Variants in IGF2BP2 observed in about 807,000 individuals in gnomAD.
IGF2BP2 encodes the protein insulin-like growth factor 2 mRNA-binding protein 2.
Under a neutral mutation model 75.8 loss-of-function variants are expected in IGF2BP2, and 17 were observed. The observed-to-expected ratio is 0.22, with a 90% CI of 0.15 to 0.34. The LOEUF (loss-of-function observed/expected upper bound fraction) is 0.34, where lower values mean the gene tolerates loss of function less well. Ranked by LOEUF, IGF2BP2 falls within the 10% of genes least tolerant of loss-of-function variation. IGF2BP2 has a pLI of 1.00. For synonymous variants in IGF2BP2, 288 were observed against 295.6 expected, an observed-to-expected ratio of 0.97 and a Z score of 0.26; for missense variants, 516 against 772.4, an observed-to-expected ratio of 0.67 and a Z score of 3.93.
intron 2 of IGF2BP2, among the ~76,000 whole-genome samples, chr3:185,734,382 C>T (rs965114720): frequency 9.9e-5 from 15 of 152,228 alleles, no homozygotes; most frequent in African/African-American, 3.1e-4. Context: ...TGCAAACTCA[C>T]GTTGTCTAGT....
intron 2 of IGF2BP2, among the ~76,000 whole-genome samples, chr3:185,804,387 G>A (rs1313704886): frequency 3.3e-5 from 5 of 151,572 alleles, no homozygotes; most frequent in Non-Finnish European, 7.4e-5. Context: ...AGCTGAGATC[G>A]CGCCACTGCA....
intron 2 of IGF2BP2, among the ~76,000 whole-genome samples, chr3:185,741,086 G>C (rs1461088791): frequency 6.6e-6 from 1 of 152,110 alleles, no homozygotes; most frequent in African/African-American, 2.4e-5. Context: ...GTGTTAGCCA[G>C]GATGTCTCGA....
chr3:185,823,304 C>G lies in IGF2BP2; in HGVS notation c.179-91G>C, dbSNP rs1025341491. 15 of 1,013,296 alleles carry G rather than the reference C, an allele frequency of 1.5e-5. No individual in the cohort carries two copies. The African/African-American group carries it at 2.0e-4, about 14-fold the overall frequency. 62.8% of individuals were successfully genotyped at this position (1,013,296 alleles called of 1,614,324 possible). On this transcript the variant is annotated intron_variant, in intron 1 of 15. Coordinates refer to ENST00000382199, the MANE Select transcript of IGF2BP2 (RefSeq NM_006548.6). ...GCACGCACGGAACTCCACGCTCGGGCTCCGCCTTCGGGCGCCCCCAAGGGG... is the reference window on the plus strand; with the variant it reads ...GCACGCACGGAACTCCACGCTCGGGGTCCGCCTTCGGGCGCCCCCAAGGGG...
intron 2 of IGF2BP2, among the ~76,000 whole-genome samples, chr3:185,778,064 G>A (rs1336440069): frequency 6.6e-6 from 1 of 151,542 alleles, no homozygotes; most frequent in Non-Finnish European, 1.5e-5. Flanking sequence ...GCATTGTTGT[G>A]CTGTATCACT....
rs1181678326 is a variant in IGF2BP2, at chr3:185,652,117, C to T, written c.1438G>A (p.Gly480Arg). 1 of 1,612,794 alleles carries T rather than the reference C, an allele frequency of 6.2e-7. No homozygotes were observed. The highest frequency in any genetic ancestry group is 1.7e-5 in the Admixed American group (1 of 59,938). ...DVSERMVIITGPPEAQFKAQG... is the reference protein window; with the variant it reads ...DVSERMVIITRPPEAQFKAQG... ...ACCTTGAACTGGGCTTCCGGTGGCC[C>T]GGTGATGATGACCATCCTTTCGCTG... The change falls in exon 13 of 16, where the codon GGG becomes AGG. Residue 480 changes from glycine (G) to arginine (R), a missense_variant. Around this residue, in one of 3 missense-constraint regions of IGF2BP2, gnomAD observed 129 missense variants for 230.5 expected, o/e 0.56. Transcript: ENST00000382199.
chr3:185,645,461 T>A lies in IGF2BP2; in HGVS notation c.*70A>T. ...TTTGCTCCCGATCTGGCTGGCTGCG[T>A]TTGGTCTCATTCTGTCAGGTGTTGG... On this transcript the variant is annotated 3_prime_UTR_variant, in exon 16 of 16. Transcript: ENST00000382199. The surrounding 1 kb of genome is among the most constrained non-coding windows in gnomAD (Gnocchi z 4.9). 1 of 1,096,410 alleles carries A rather than the reference T, an allele frequency of 9.1e-7. No individual in the cohort carries two copies. Among genetic ancestry groups the A allele is most frequent in the Non-Finnish European group, 1.4e-6 (1 of 712,182 alleles). 67.9% of individuals were successfully genotyped at this position (1,096,410 alleles called of 1,614,324 possible).
At chr3:185,765,300 A>G (rs1005656750) in intron 2 of IGF2BP2, among the ~76,000 whole-genome samples, 36 of 152,232 alleles carry the variant, frequency 2.4e-4, no homozygotes, top group African/African-American at 8.4e-4. Flanking sequence ...GCAAAATTAA[A>G]TATAGTTTCT....
At chr3:185,712,586 A>G (rs1724964956) in intron 2 of IGF2BP2, 1 of 152,178 alleles carries the variant, frequency 6.6e-6, no homozygotes, top group Admixed American at 6.5e-5. Context: ...TGCCTCAGCC[A>G]TGAGACAGAG....
chr3:185,707,298 T>C (rs1051989843), intron 2 of IGF2BP2, among the ~76,000 whole-genome samples: 8 of 109,410 alleles, frequency 7.3e-5, no homozygotes, highest in Non-Finnish European at 1.5e-4. Flanking sequence ...GAAGGGGCTT[T>C]TTTTTTTTTT....
intron 2 of IGF2BP2, among the ~76,000 whole-genome samples, chr3:185,795,868 A>C (rs1737305161): frequency 6.6e-6 from 1 of 152,176 alleles, no homozygotes; most frequent in East Asian, 1.9e-4. Flanking sequence ...GCTGGGCAAC[A>C]GAGAGAGACT....
intron 7 of IGF2BP2, among the ~76,000 whole-genome samples, chr3:185,677,914 A>T (rs1363593291): frequency 1.3e-5 from 2 of 152,182 alleles, no homozygotes; most frequent in African/African-American, 2.4e-5. Context: ...TTCAAGTTAG[A>T]GGATTAAAAT....
At position 185,647,468 on chromosome 3, in the gene IGF2BP2, C is replaced by G. The variant is rs889669138; in HGVS notation, c.1594-330G>C. 6.6e-6 allele frequency among the ~76,000 whole-genome samples: 1 copy of G among 152,004 alleles called. No individual in the cohort carries two copies. Among genetic ancestry groups the G allele is most frequent in the Non-Finnish European group, 1.5e-5 (1 of 67,998 alleles). On this transcript the variant is annotated intron_variant, in intron 14 of 15. Transcript: ENST00000382199. This position sits in a 1 kb window ranked among gnomAD's most constrained non-coding sequence, Gnocchi z 4.9. ...ACAGAGACCCCAGGCTTTCCCATAC[C>G]CCCCCACTCCCCACCCCTACCCTGT...
chr3:185,783,010 T>C (rs1735402968), intron 2 of IGF2BP2, among the ~76,000 whole-genome samples: 1 of 152,222 alleles, frequency 6.6e-6, no homozygotes, highest in Admixed American at 6.5e-5. Flanking sequence ...ACTAACACAA[T>C]TAATAGTTCT....
chr3:185,785,044 T>C (rs1255977248), intron 2 of IGF2BP2, among the ~76,000 whole-genome samples: 1 of 152,192 alleles, frequency 6.6e-6, no homozygotes, highest in Admixed American at 6.5e-5. Context: ...CTCATGCCTG[T>C]AATCCCAGCA....
chr3:185,753,420 T>C (rs1269488289), intron 2 of IGF2BP2, among the ~76,000 whole-genome samples: 2 of 152,164 alleles, frequency 1.3e-5, no homozygotes, highest in Admixed American at 1.3e-4. Flanking sequence ...GAAAAGATGA[T>C]ATATGACATA....
At position 185,768,769 on chromosome 3, in the gene IGF2BP2, C is replaced by T. The variant is rs180759382; in HGVS notation, c.239+54384G>A. The stretch of plus-strand genomic sequence containing the variant: ...TCTAAGCCAGGCGTGGTGGCTTTTA[C>T]GCCTGTCATCCCAGCACTTTGGGAG... On this transcript the variant is annotated intron_variant, in intron 2 of 15. Transcript: ENST00000382199. Among the ~76,000 whole-genome samples, 473 of 152,308 alleles carry T rather than the reference C, an allele frequency of 3.1e-3. 2 individuals are homozygous for T. The highest frequency in any genetic ancestry group is 5.8e-3 in the Admixed American group (88 of 15,300).
At chr3:185,652,258 G>A in intron 12 of IGF2BP2, 90 bp from the exon 13 acceptor site, 1 of 1,070,750 alleles carries the variant, frequency 9.3e-7, no homozygotes, top group African/African-American at 1.6e-5. Context: ...CATACCAGCA[G>A]GAGGTTCCAG....
At chr3:185,730,484 G>C (rs1388610701) in intron 2 of IGF2BP2, among the ~76,000 whole-genome samples, 2 of 145,794 alleles carry the variant, frequency 1.4e-5, no homozygotes, top group Non-Finnish European at 3.0e-5. Context: ...TCCCAGGCTG[G>C]AGTGCAATGG....
intron 2 of IGF2BP2, among the ~76,000 whole-genome samples, chr3:185,713,728 TC>T (rs1213427032): frequency 6.6e-6 from 1 of 152,242 alleles, no homozygotes. Flanking sequence ...TGAGATGGAC[TC>T]CTGCTCTGTT....
Sources: gnomAD v4.1 joint callset for allele counts (sites outside exome capture counted in the v4.1 genomes callset) on GRCh38, gnomAD v4.1.1 for gene constraint, gnomAD v4.1.1 regional missense constraint, Gnocchi (gnomAD v3.1) non-coding constraint, MANE v1.5 for transcripts, NCBI Gene and HGNC (gene_info 2026-07-23, HGNC 2026-07-21) for gene names.